TBC1D9: variants seen among roughly 807,000 people sequenced by gnomAD.
TBC1D9 encodes the protein TBC1 domain family member 9A.
TBC1D9 carries 63 observed loss-of-function variants against 132.0 expected under a neutral mutation model. The ratio of observed to expected loss-of-function variants is 0.48; its 90% CI spans 0.39 to 0.59. TBC1D9 has a LOEUF of 0.59. Among genes scored for constraint, TBC1D9 ranks in the 20% least tolerant of loss-of-function variants. TBC1D9 has a pLI of 0.00. For missense variants in TBC1D9, 1,261 were observed against 1,592.7 expected, an observed-to-expected ratio of 0.79 and a Z score of 3.54; for synonymous variants, 610 against 609.9, an observed-to-expected ratio of 1.00 and a Z score of 0.00.
chr4:140,724,916 T>C (rs960917583), intron 1 of TBC1D9, among the ~76,000 whole-genome samples: 3 of 152,198 alleles, frequency 2.0e-5, no homozygotes, highest in African/African-American at 7.2e-5. Flanking sequence ...CACATTCTGT[T>C]TTGCAAGACT....
At chr4:140,673,187 C>CT (rs1737564941) in intron 6 of TBC1D9, among the ~76,000 whole-genome samples, 1 of 151,434 alleles carries the variant, frequency 6.6e-6, no homozygotes, top group Admixed American at 6.6e-5. Flanking sequence ...AAAAAAATTC[C>CT]TTCTCTTGCT....
intron 2 of TBC1D9, among the ~76,000 whole-genome samples, chr4:140,697,248 G>C (rs1737973867): frequency 6.6e-6 from 1 of 152,078 alleles, no homozygotes; most frequent in Non-Finnish European, 1.5e-5. Context: ...AGGGCACGGT[G>C]GTGTGTGCCT....
rs1050906283 is a variant in TBC1D9 at position 140,756,334 on chromosome 4, A to G, written c.-289T>C. On this transcript the variant is annotated 5_prime_UTR_variant, in exon 1 of 21. Coordinates refer to ENST00000442267, the MANE Select transcript of TBC1D9 (RefSeq NM_015130.3). The surrounding 1 kb of genome is among the most constrained non-coding windows in gnomAD (Gnocchi z 5.6). ...CGCGGCCGCAGACGCCCGGCCTGGC[A>G]CTCTGCAGCCCGGCTCCCGGCCCAC... Among the ~76,000 whole-genome samples the G allele has an allele frequency of 1.5e-4, 23 of 151,640 alleles. No individual in the cohort carries two copies. Among genetic ancestry groups the G allele is most frequent in the African/African-American group, 4.1e-4 (17 of 41,270 alleles).
chr4:140,636,580 T>G (rs1736884796), intron 15 of TBC1D9, among the ~76,000 whole-genome samples: 1 of 152,022 alleles, frequency 6.6e-6, no homozygotes, highest in South Asian at 2.1e-4. Flanking sequence ...TAGTGATGGG[T>G]CTTGCTATGT....
chr4:140,740,716 T>C (rs989418983), intron 1 of TBC1D9, among the ~76,000 whole-genome samples: 1 of 152,182 alleles, frequency 6.6e-6, no homozygotes, highest in Non-Finnish European at 1.5e-5. Flanking sequence ...TGCTAGTGTT[T>C]TTCCCAGACA....
chr4:140,629,420 A>C (rs1736758550), intron 16 of TBC1D9, among the ~76,000 whole-genome samples: 1 of 152,008 alleles, frequency 6.6e-6, no homozygotes, highest in South Asian at 2.1e-4. Flanking sequence ...GTTTAGAACT[A>C]CTCCTCTTTC....
intron 2 of TBC1D9, among the ~76,000 whole-genome samples, chr4:140,686,869 A>G (rs565305397): frequency 5.3e-5 from 8 of 152,152 alleles, no homozygotes; most frequent in Non-Finnish European, 8.8e-5. Flanking sequence ...AGTTGCAACA[A>G]TATGAGAGCT....
chr4:140,722,341 C>T (rs10019542), intron 1 of TBC1D9, among the ~76,000 whole-genome samples: 8,710 of 152,246 alleles, frequency 0.057, 848 homozygotes, highest in African/African-American at 0.2. Flanking sequence ...TGAAATCCTT[C>T]CCCTTAACCT....
At chr4:140,667,676 T>C (rs994173458) in intron 9 of TBC1D9, among the ~76,000 whole-genome samples, 7 of 152,038 alleles carry the variant, frequency 4.6e-5, no homozygotes, top group African/African-American at 1.5e-4. Flanking sequence ...GGTAGGAGGA[T>C]TGATTGAGCC....
intron 1 of TBC1D9, among the ~76,000 whole-genome samples, chr4:140,731,691 A>C (rs976991677): frequency 5.9e-5 from 9 of 151,412 alleles, no homozygotes; most frequent in African/African-American, 2.2e-4. Context: ...ACACACACAC[A>C]CACCCCAAAC....
At chr4:140,643,757 CT>C in intron 13 of TBC1D9, 1 of 1,093,488 alleles carries the variant, frequency 9.1e-7, no homozygotes, top group East Asian at 2.5e-5. Flanking sequence ...CTTCAGGCCC[CT>C]CCGCAAAGTC....
At chr4:140,658,843 G>T (rs531450285) in intron 11 of TBC1D9, among the ~76,000 whole-genome samples, 17 of 151,814 alleles carry the variant, frequency 1.1e-4, no homozygotes, top group African/African-American at 2.9e-4. Flanking sequence ...TGGATGCATG[G>T]TGCCCACAGA....
intron 3 of TBC1D9, among the ~76,000 whole-genome samples, chr4:140,683,575 T>C (rs1271162621): frequency 6.6e-6 from 1 of 152,210 alleles, no homozygotes; most frequent in African/African-American, 2.4e-5. Flanking sequence ...ATGTTCAATA[T>C]AAATTTAAAT....
At chr4:140,703,356 C>T (rs1725888381) in intron 1 of TBC1D9, among the ~76,000 whole-genome samples, 1 of 152,132 alleles carries the variant, frequency 6.6e-6, no homozygotes, top group African/African-American at 2.4e-5. Context: ...CCAAATAAGA[C>T]CCTGATATGC....
rs1368927769 is a variant in TBC1D9 at position 140,639,266 on chromosome 4, C to CA, written c.2436+63dup. 6 of 1,488,168 alleles carry CA rather than the reference C, an allele frequency of 4.0e-6. No homozygotes were observed. The Admixed American group carries it at 7.6e-5, about 19-fold the overall frequency. The allele number at this position is 1,488,168 out of a possible 1,614,324, so 92.2% of individuals were successfully genotyped here. A position where few individuals can be genotyped will look rare whatever the true frequency, so the allele number is the denominator to read the frequency against. On this transcript the variant is annotated intron_variant, in intron 14 of 20. Coordinates refer to ENST00000442267, the MANE Select transcript of TBC1D9 (RefSeq NM_015130.3). ...TTCAGTTCTGTCAGGCAGGAATCCA[C>CA]AGCCAGCAGGAGTGTGAAGAAGGAA...
chr4:140,634,025 A>C lies in TBC1D9; in HGVS notation c.2669T>G (p.Leu890Arg). ...TAATAACTGGAACAAGCGGGAGGCC[A>C]GAACGTCAGAGTGAGTTCCACATGC... ...PWACGTHSDV[L>R]ASRLFQLLDE... The change falls in exon 16 of 21, where the codon CTG becomes CGG. Residue 890 changes from leucine (L) to arginine (R), a missense_variant. Transcript: ENST00000442267. 1 of 1,614,030 alleles carries C rather than the reference A, an allele frequency of 6.2e-7. No individual in the cohort carries two copies. The highest frequency in any genetic ancestry group is 8.5e-7 in the Non-Finnish European group (1 of 1,179,890).
At chr4:140,661,076 G>A (rs193126956) in intron 10 of TBC1D9, among the ~76,000 whole-genome samples, 2 of 152,196 alleles carry the variant, frequency 1.3e-5, no homozygotes, top group African/African-American at 2.4e-5. Flanking sequence ...CACCACGCCT[G>A]GCTAATTTTT....
In TBC1D9 at chr4:140,693,216, A is replaced by G. The variant is rs373456917; in HGVS notation, c.242-6754T>C. Among the ~76,000 whole-genome samples the G allele has an allele frequency of 1.4e-4, 21 of 152,244 alleles. No homozygotes were observed. In the East Asian group the frequency reaches 3.7e-3, roughly 27 times the overall value. ...GGGCTCAAGTGATCTTCCCCACCTC[A>G]GCTTCCCAAAGTGCTGGGATTACAG... On this transcript the variant is annotated intron_variant, in intron 2 of 20. Transcript: ENST00000442267.
At chr4:140,678,803 A>G (rs1308259353) in intron 5 of TBC1D9, 139 bp downstream of exon 5, 2 of 1,025,904 alleles carry the variant, frequency 1.9e-6, no homozygotes, top group Non-Finnish European at 2.8e-6. Context: ...CACCTCAGCT[A>G]GTCTTTTTTA....
Sources: allele counts gnomAD v4.1 joint callset (sites outside exome capture counted in the v4.1 genomes callset), GRCh38; gene constraint gnomAD v4.1.1; non-coding constraint Gnocchi (gnomAD v3.1); transcripts MANE v1.5; gene names NCBI Gene and HGNC (gene_info 2026-07-23, HGNC 2026-07-21).